The following AGO3 variants were observed in gnomAD, a reference collection of about 807,000 sequenced individuals.
AGO3 encodes the protein protein argonaute-3.
AGO3 carries 16 observed loss-of-function variants against 105.5 expected under a neutral mutation model. The ratio of observed to expected loss-of-function variants is 0.15; its 90% CI spans 0.10 to 0.23. AGO3 has a LOEUF of 0.23. Among genes scored for constraint, AGO3 ranks in the 10% least tolerant of loss-of-function variants. The pLI is 1.00. For missense variants in AGO3, 534 were observed against 1,088.0 expected (o/e 0.49, Z 7.16); for synonymous variants, 340 against 367.3 (o/e 0.93, Z 0.85).
intron 5 of AGO3, among the ~76,000 whole-genome samples, chr1:35,979,584 GATAA>G (rs1473558093): frequency 6.6e-6 from 1 of 151,932 alleles, no homozygotes; most frequent in Non-Finnish European, 1.5e-5. Flanking sequence ...CTCAGACTAG[GATAA>G]ATAAATTTCC....
chr1:36,010,235 G>A (rs1432031109), intron 9 of AGO3, among the ~76,000 whole-genome samples: 4 of 151,148 alleles, frequency 2.6e-5, no homozygotes, highest in Non-Finnish European at 5.9e-5. Flanking sequence ...CACCGCACCC[G>A]GCCAATACTA....
At position 36,067,178 on chromosome 1, in the gene AGO3, A is replaced by G. The variant is rs886709559; in HGVS notation, c.*11433A>G. On this transcript the variant is annotated 3_prime_UTR_variant, in exon 19 of 19. Coordinates refer to ENST00000373191, the MANE Select transcript of AGO3 (RefSeq NM_024852.4). ...ACAATGTAGTCTTTCCTGTAAAGAA[A>G]ATGGTTTTGGTGTGGGATTTGGTAA... 1 of 152,034 alleles carries G rather than the reference A, an allele frequency of 6.6e-6. No individual in the cohort carries two copies. The highest frequency in any genetic ancestry group is 2.4e-5 in the African/African-American group (1 of 41,388). 9.4% of individuals were successfully genotyped at this position (152,034 alleles called of 1,614,324 possible).
At chr1:35,965,916 T>G (rs1189754636) in intron 2 of AGO3, among the ~76,000 whole-genome samples, 3 of 150,684 alleles carry the variant, frequency 2.0e-5, no homozygotes, top group African/African-American at 7.3e-5. Flanking sequence ...ACCTCTGCCT[T>G]CTGGGTTCAA....
chr1:36,034,745 G>A (rs1641930762), intron 13 of AGO3, among the ~76,000 whole-genome samples: 1 of 152,142 alleles, frequency 6.6e-6, no homozygotes, highest in African/African-American at 2.4e-5. Flanking sequence ...ACTTTATTTG[G>A]TAATCATCTT....
rs1434982631 is a variant in AGO3 at position 36,071,417 on chromosome 1, C to A, written c.*15672C>A. Reference sequence around the variant, plus strand: ...TGCCTATTTGTATTGCAGATGTGAACTACTATTTTTGGAGGTTGATATCAG... The same window carrying A: ...TGCCTATTTGTATTGCAGATGTGAAATACTATTTTTGGAGGTTGATATCAG... On this transcript the variant is annotated 3_prime_UTR_variant, in exon 19 of 19. Transcript: ENST00000373191. The A allele has an allele frequency of 6.6e-6, 1 of 152,110 alleles. No homozygotes were observed. Among genetic ancestry groups the A allele is most frequent in the African/African-American group, 2.4e-5 (1 of 41,442 alleles). 9.4% of individuals were successfully genotyped at this position (152,110 alleles called of 1,614,324 possible). A position where few individuals can be genotyped will look rare whatever the true frequency, so the allele number is the denominator to read the frequency against.
At chr1:35,952,136 CTTTCTTTCTTTCTTTT>C (rs1646483200) in intron 2 of AGO3, among the ~76,000 whole-genome samples, 3 of 111,522 alleles carry the variant, frequency 2.7e-5, no homozygotes, top group East Asian at 1.2e-3. Context: ...TTCTTTCTTT[CTTTCTTTCTTTCTTTT>C]TTTTTTTTTT....
chr1:36,000,746 C>T (rs1030033366), intron 5 of AGO3, among the ~76,000 whole-genome samples: 5 of 151,022 alleles, frequency 3.3e-5, no homozygotes, highest in African/African-American at 1.2e-4. Context: ...AATAATATTC[C>T]AACATTTTTC....
At chr1:36,054,849 T>C in intron 17 of AGO3, 97 bp from the exon 18 acceptor site, 1 of 1,223,696 alleles carries the variant, frequency 8.2e-7, no homozygotes, top group South Asian at 1.3e-5. Flanking sequence ...GCCATTGCAC[T>C]TCAGCCTGGG....
chr1:36,034,978 A>C (rs543493978), intron 13 of AGO3, among the ~76,000 whole-genome samples: 247 of 152,368 alleles, frequency 1.6e-3, no homozygotes, highest in African/African-American at 5.2e-3. Context: ...TCACTGAGGA[A>C]GAGGTCATTT....
rs1640435805 is a variant in AGO3, at chr1:36,008,501, A to G, written c.794-189A>G. On this transcript the variant is annotated intron_variant, in intron 6 of 18. Transcript: ENST00000373191. This position sits in a 1 kb window ranked among gnomAD's most constrained non-coding sequence, Gnocchi z 5.1. ...TGGGGTAAGGAAAAATTTTGCCATT[A>G]GGTCTGTCATGACTGTGACCATTAT... 6.6e-6 allele frequency among the ~76,000 whole-genome samples: 1 copy of G among 152,158 alleles called. No individual in the cohort carries two copies. Among genetic ancestry groups the G allele is most frequent in the South Asian group, 2.1e-4 (1 of 4,836 alleles).
intron 11 of AGO3, among the ~76,000 whole-genome samples, chr1:36,017,723 C>G (rs1405497308): frequency 6.6e-6 from 1 of 151,948 alleles, no homozygotes; most frequent in Non-Finnish European, 1.5e-5. Context: ...GGCAACATGG[C>G]AAAACCCTGT....
chr1:35,950,046 C>A (rs1468299980), intron 2 of AGO3, among the ~76,000 whole-genome samples: 2 of 152,106 alleles, frequency 1.3e-5, no homozygotes, highest in Non-Finnish European at 2.9e-5. Context: ...CATGGTGAAA[C>A]CCCGTCTCTA....
intron 12 of AGO3, among the ~76,000 whole-genome samples, chr1:36,031,380 C>T (rs1641766669): frequency 6.6e-6 from 1 of 152,114 alleles, no homozygotes; most frequent in Non-Finnish European, 1.5e-5. Context: ...GTATCATTTT[C>T]CTTCTCTCTG....
At chr1:36,039,434 C>T (rs1245474348) in intron 14 of AGO3, among the ~76,000 whole-genome samples, 2 of 139,704 alleles carry the variant, frequency 1.4e-5, no homozygotes, top group South Asian at 4.4e-4. Flanking sequence ...GTGCAGGTTG[C>T]AGTGAGCCGA....
chr1:35,949,129 G>T (rs1041476940), intron 2 of AGO3, among the ~76,000 whole-genome samples: 1 of 152,044 alleles, frequency 6.6e-6, no homozygotes, highest in African/African-American at 2.4e-5. Flanking sequence ...TATTAGTAGA[G>T]ATGAGGTTTC....
chr1:36,034,096 A>G, intron 12 of AGO3, 78 bp from the exon 13 acceptor site: 1 of 1,346,262 alleles, frequency 7.4e-7, no homozygotes, highest in Non-Finnish European at 9.7e-7. Flanking sequence ...AGGGGGAAAC[A>G]TAGTAGCTTT....
chr1:36,034,369 T>C (rs753970324), intron 13 of AGO3, 36 bp downstream of exon 13: 12 of 1,498,214 alleles, frequency 8.0e-6, no homozygotes. Context: ...AATATTATTT[T>C]TATATCTTCA....
In AGO3 at chr1:36,021,279, A is replaced by G. The variant is rs1641207548; in HGVS notation, c.1407-5835A>G. Among the ~76,000 whole-genome samples, 4 of 152,258 alleles carry G rather than the reference A, an allele frequency of 2.6e-5. No homozygotes were observed. The South Asian group carries it at 8.3e-4, about 32-fold the overall frequency. ...ACCGCAATTACTTTTGCACCAACCT[A>G]ATATTAGAAACTGCTTTAGAATTAA... is the stretch of plus-strand genomic sequence containing the variant. On this transcript the variant is annotated intron_variant, in intron 11 of 18. Transcript: ENST00000373191.
chr1:36,002,165 A>G (rs903810344), intron 5 of AGO3, among the ~76,000 whole-genome samples: 2 of 151,982 alleles, frequency 1.3e-5, no homozygotes, highest in Admixed American at 1.3e-4. Context: ...GATTACAGGC[A>G]TGCGCCACCA....
Sources: gnomAD v4.1 joint callset for allele counts (sites outside exome capture counted in the v4.1 genomes callset) on GRCh38, gnomAD v4.1.1 for gene constraint, Gnocchi (gnomAD v3.1) non-coding constraint, MANE v1.5 for transcripts, NCBI Gene and HGNC (gene_info 2026-07-23, HGNC 2026-07-21) for gene names.